TEX11: variants seen among roughly 807,000 people sequenced by gnomAD.
TEX11 encodes testis expressed 11.
In TEX11, 7 loss-of-function variants were observed where a neutral mutation model predicts 84.4. The observed-to-expected ratio is 0.08, with a 90% CI of 0.05 to 0.16. The LOEUF is 0.16. TEX11 is among the 10% of genes least tolerant of loss of function. The pLI is 1.00. For missense variants in TEX11, 551 were observed against 660.5 expected, an observed-to-expected ratio of 0.83 and a Z score of 1.82; for synonymous variants, 264 against 222.8, an observed-to-expected ratio of 1.18 and a Z score of -1.64.
chrX:70,627,010 CAAG>C (rs1301821446), intron 18 of TEX11, among the ~76,000 whole-genome samples: 1 of 111,981 alleles, frequency 8.9e-6, no homozygotes, highest in African/African-American at 3.2e-5. Context: ...AACTGTGTTT[CAAG>C]GAGGAAAGAG....
intron 16 of TEX11, among the ~76,000 whole-genome samples, chrX:70,653,438 A>T (rs2089830397): frequency 1.8e-5 from 2 of 112,410 alleles, no homozygotes; most frequent in Non-Finnish European, 3.8e-5. Context: ...ATATGAAAAG[A>T]TGCTTAACAT....
intron 14 of TEX11, among the ~76,000 whole-genome samples, chrX:70,680,026 C>T (rs1341285956): frequency 3.2e-5 from 2 of 62,198 alleles, no homozygotes; most frequent in Admixed American, 1.6e-4. Context: ...GCCCGGCCGC[C>T]CCTACTGGGA....
chrX:70,790,286 A>C (rs1979246602), intron 9 of TEX11, among the ~76,000 whole-genome samples: 1 of 111,707 alleles, frequency 9.0e-6, no homozygotes, highest in African/African-American at 3.3e-5. Flanking sequence ...AAAACACTGA[A>C]AGTCAACAGA....
intron 17 of TEX11, among the ~76,000 whole-genome samples, chrX:70,633,363 C>A (rs755047957): frequency 6.3e-5 from 7 of 110,975 alleles, no homozygotes; most frequent in Non-Finnish European, 1.1e-4. Context: ...ATTCCTTACC[C>A]CTCCCACCAC....
chrX:70,878,913 T>C (rs2091669338), intron 3 of TEX11, among the ~76,000 whole-genome samples: 1 of 112,303 alleles, frequency 8.9e-6, no homozygotes, highest in Admixed American at 9.5e-5. Context: ...AAATATGGTA[T>C]ATCCATACAA....
At position 70,751,356 on chromosome X, in the gene TEX11, C is replaced by T. The variant is rs1454904365; in HGVS notation, c.693-7137G>A. Among the ~76,000 whole-genome samples the T allele has an allele frequency of 2.8e-5, 3 of 105,703 alleles. No homozygotes were observed. In the Admixed American group the frequency reaches 3.1e-4, roughly 11 times the overall value. The allele number at this position is 105,703 out of a possible 115,157, so 91.8% of individuals were successfully genotyped here. A position where few individuals can be genotyped will look rare whatever the true frequency, so the allele number is the denominator to read the frequency against. ...TAGGGACATGGATGAAGCTGGAAAC[C>T]ATCATTCTCAGCAAACTATCGCAAG... On this transcript the variant is annotated intron_variant, in intron 9 of 29. Transcript: ENST00000374333.
chrX:70,590,591 G>A (rs1364318144), intron 25 of TEX11, among the ~76,000 whole-genome samples: 1 of 111,445 alleles, frequency 9.0e-6, no homozygotes, highest in African/African-American at 3.2e-5. Context: ...AACAAATTCT[G>A]AAACAGGGAC....
intron 17 of TEX11, among the ~76,000 whole-genome samples, chrX:70,630,820 A>G (rs2089503059): frequency 8.9e-6 from 1 of 112,083 alleles, no homozygotes; most frequent in Admixed American, 9.5e-5. Context: ...AAAGAAGAGG[A>G]TGGGATAATA....
chrX:70,750,546 T>A (rs1399587583), intron 9 of TEX11, among the ~76,000 whole-genome samples: 2 of 108,403 alleles, frequency 1.8e-5, no homozygotes, highest in Admixed American at 9.9e-5. Context: ...GATAGACTGG[T>A]TTAAGAAAAT....
At chrX:70,561,769 A>G (rs1338967225) in intron 25 of TEX11, among the ~76,000 whole-genome samples, 1 of 112,044 alleles carries the variant, frequency 8.9e-6, no homozygotes, top group Admixed American at 9.6e-5. Context: ...CATATACATA[A>G]TACATACTAT....
At chrX:70,757,874 C>A (rs1300253464) in intron 9 of TEX11, among the ~76,000 whole-genome samples, 1 of 111,083 alleles carries the variant, frequency 9.0e-6, no homozygotes, top group Non-Finnish European at 1.9e-5. Flanking sequence ...ATTCAGGAGA[C>A]CCATCTCACG....
chrX:70,515,563 T>C, the TEX11 span, among the ~76,000 whole-genome samples: 9 of 112,332 alleles, frequency 8.0e-5, no homozygotes, highest in Non-Finnish European at 1.9e-5. Flanking sequence ...CTATTGTGAA[T>C]AGTGCTGCAG....
chrX:70,704,821 G>A (rs773661127), intron 13 of TEX11, among the ~76,000 whole-genome samples: 2 of 110,475 alleles, frequency 1.8e-5, no homozygotes, highest in East Asian at 2.8e-4. Flanking sequence ...GCTTTACTAG[G>A]AAATGTTTAA....
intron 7 of TEX11, among the ~76,000 whole-genome samples, chrX:70,834,375 C>T (rs964209886): frequency 9.0e-6 from 1 of 110,784 alleles, no homozygotes; most frequent in African/African-American, 3.3e-5. Context: ...TCAGTTCTAC[C>T]ATTCTATGTC....
At chrX:70,772,918 G>A (rs1284940761) in intron 9 of TEX11, among the ~76,000 whole-genome samples, 1 of 110,074 alleles carries the variant, frequency 9.1e-6, no homozygotes, top group Non-Finnish European at 1.9e-5. Flanking sequence ...CTCAAAGACA[G>A]GCCATTTGAA....
chrX:70,753,017 C>T (rs1569429955), intron 9 of TEX11, among the ~76,000 whole-genome samples: 2 of 110,239 alleles, frequency 1.8e-5, no homozygotes, highest in East Asian at 2.8e-4. Flanking sequence ...TAAACCAGCC[C>T]GAGTCAGAAT....
the TEX11 span, among the ~76,000 whole-genome samples, chrX:70,521,110 G>A: frequency 2.9e-4 from 32 of 111,080 alleles, no homozygotes; most frequent in Non-Finnish European, 3.6e-4. Flanking sequence ...GTGATGTCCC[G>A]CCCTGCTTCA....
chrX:70,622,634 T>C (rs1325744572), intron 20 of TEX11, among the ~76,000 whole-genome samples: 4 of 112,133 alleles, frequency 3.6e-5, no homozygotes, highest in African/African-American at 1.3e-4. Context: ...TACAATCTAG[T>C]AGTTATCATG....
intron 9 of TEX11, among the ~76,000 whole-genome samples, chrX:70,780,637 G>A (rs1039439484): frequency 8.9e-6 from 1 of 112,571 alleles, no homozygotes; most frequent in African/African-American, 3.2e-5. Flanking sequence ...CTTCACAACC[G>A]GCAGACCAGG....
Sources: allele counts gnomAD v4.1 joint callset (sites outside exome capture counted in the v4.1 genomes callset), GRCh38; gene constraint gnomAD v4.1.1; transcripts MANE v1.5; gene names NCBI Gene and HGNC (gene_info 2026-07-23, HGNC 2026-07-21).